SQSTM1: variants seen among roughly 807,000 people sequenced by gnomAD.
SQSTM1 encodes the protein sequestosome 1.
A neutral mutation model predicts 45.1 loss-of-function variants in SQSTM1; 36 were observed. The ratio of observed to expected loss-of-function variants is 0.80; its 90% confidence interval spans 0.61 to 1.05. SQSTM1 has a LOEUF of 1.05. SQSTM1 is among the 50% of genes least tolerant of loss of function. SQSTM1 has a pLI of 0.00. For synonymous variants in SQSTM1, 290 were observed against 244.3 expected, an observed-to-expected ratio of 1.19 and a Z score of -1.74; for missense variants, 617 against 607.1, an observed-to-expected ratio of 1.02 and a Z score of -0.17.
intron 1 of SQSTM1, chr5:179,808,176 A>G (rs1406174100): frequency 1.3e-5 from 2 of 152,304 alleles, no homozygotes; most frequent in African/African-American, 4.8e-5. Context: ...TCAGACTGAG[A>G]TTGAATGCGG....
chr5:179,815,032 A>G (rs1001159909), upstream of SQSTM1, among the ~76,000 whole-genome samples: 2 of 152,194 alleles, frequency 1.3e-5, no homozygotes, highest in African/African-American at 4.8e-5. Flanking sequence ...TGGTGGCTTG[A>G]GGGGGAGCAT....
intron 5 of SQSTM1, among the ~76,000 whole-genome samples, chr5:179,831,404 G>A (rs1036641803): frequency 1.3e-5 from 2 of 152,254 alleles, no homozygotes; most frequent in South Asian, 2.1e-4. Context: ...GCTCATGCCT[G>A]TAATCCAAGC....
chr5:179,811,951 CCCG>C (rs1757428483), intron 2 of SQSTM1: 1 of 152,144 alleles, frequency 6.6e-6, no homozygotes, highest in Non-Finnish European at 1.5e-5. Flanking sequence ...ACTACAGGCG[CCCG>C]CCACCACGCC....
intron 1 of SQSTM1, chr5:179,821,662 C>A: frequency 2.5e-6 from 1 of 393,716 alleles, no homozygotes. Flanking sequence ...GCCGCGACAG[C>A]GCCTGGGAGA....
At chr5:179,811,092 G>A (rs1475677632) in intron 1 of SQSTM1, among the ~76,000 whole-genome samples, 1 of 152,050 alleles carries the variant, frequency 6.6e-6, no homozygotes, top group Non-Finnish European at 1.5e-5. Flanking sequence ...AATTAGCCGG[G>A]AGTGGTGGCG....
At chr5:179,811,007 C>T (rs2113459009) in intron 1 of SQSTM1, among the ~76,000 whole-genome samples, 1 of 152,208 alleles carries the variant, frequency 6.6e-6, no homozygotes, top group Non-Finnish European at 1.5e-5. Flanking sequence ...CTTTGGGAGG[C>T]CGAGACGGGC....
Position 179,829,927 on chromosome 5 carries a change from C to T in SQSTM1, c.755-3105C>T, listed in dbSNP as rs868060398. 4.6e-5 allele frequency among the ~76,000 whole-genome samples: 7 copies of T among 152,254 alleles called. 1 individual carries two copies. The South Asian group carries it at 1.5e-3, about 32-fold the overall frequency. ...CCTTGGCAACATAGGGAGACACCAT[C>T]CCCCACTTCCCGTGTCTACAAACAC... On this transcript the variant is annotated intron_variant, in intron 5 of 7. Transcript: ENST00000389805.
rs1250501488 is a variant in SQSTM1, at chr5:179,833,654, T to C, written c.1037T>C (p.Val346Ala). 1.2e-5 allele frequency: 19 copies of C among 1,613,980 alleles called. No homozygotes were observed. The highest frequency in any genetic ancestry group is 1.3e-5 in the African/African-American group (1 of 74,890). ...DDWTHLSSKE[V>A]DPSTGELQSL... The stretch of plus-strand genomic sequence containing the variant: ...TGGACCCATCTGTCTTCAAAAGAAG[T>C]GGACCCGTCTACAGGTGAACTCCAG... The change falls in exon 7 of 8, where the codon GTG (valine) becomes GCG (alanine). Residue 346 changes from valine (V) to alanine (A), a missense_variant. By Grantham distance (64) the Val-to-Ala change is moderately conservative. Transcript: ENST00000389805.
At chr5:179,833,911 G>T (rs1345316018) in intron 7 of SQSTM1, 129 bp downstream of exon 7, 6 of 1,047,356 alleles carry the variant, frequency 5.7e-6, no homozygotes, top group Non-Finnish European at 8.6e-6. Flanking sequence ...GTAGGTGTGG[G>T]AGGTTAGGAG....
intron 2 of SQSTM1, 96 bp from the exon 3 acceptor site, chr5:179,823,762 C>G (rs113087413): frequency 1.5e-6 from 2 of 1,362,818 alleles, no homozygotes; most frequent in African/African-American, 2.8e-5. Flanking sequence ...AGAGCAGGGC[C>G]GGGGGCCTTG....
chr5:179,817,667 G>GC (rs894409548), upstream of SQSTM1, among the ~76,000 whole-genome samples: 3 of 152,124 alleles, frequency 2.0e-5, no homozygotes, highest in Admixed American at 1.3e-4. Context: ...CCCTCCCATG[G>GC]CCCCCGTGCC....
intron 5 of SQSTM1, 96 bp downstream of exon 5, chr5:179,825,322 C>A: frequency 1.9e-6 from 2 of 1,071,284 alleles, no homozygotes; most frequent in Non-Finnish European, 1.4e-6. Flanking sequence ...AATTGACATG[C>A]CCTTGACACT....
At chr5:179,831,426 C>T (rs1453877709) in intron 5 of SQSTM1, among the ~76,000 whole-genome samples, 5 of 152,184 alleles carry the variant, frequency 3.3e-5, no homozygotes, top group Admixed American at 3.3e-4. Flanking sequence ...CTTTGGGAGG[C>T]CAAGGCAGGC....
chr5:179,836,336 G>C, intron 7 of SQSTM1, 100 bp from the exon 8 acceptor site: 6 of 1,535,320 alleles, frequency 3.9e-6, no homozygotes, highest in South Asian at 2.2e-5. Context: ...TCGGACACTG[G>C]CAGACCCTGG....
intron 6 of SQSTM1, 129 bp from the exon 7 acceptor site, chr5:179,833,458 C>G (rs1758341569): frequency 1.8e-6 from 2 of 1,089,338 alleles, no homozygotes; most frequent in Admixed American, 2.0e-5. Flanking sequence ...ACTGTTCCCC[C>G]TAGACCCCTG....
chr5:179,836,433 C>T lies in SQSTM1; in HGVS notation c.1166-3C>T. On this transcript the variant is annotated splice_polypyrimidine_tract_variant and splice_region_variant and intron_variant, in intron 7 of 7. Coordinates refer to ENST00000389805, the MANE Select transcript of SQSTM1 (RefSeq NM_003900.5). ...CCTCATGGCTTCCTTACTGTTTCGG[C>T]AGAGGCTGACCCGCGGCTGATTGAG... 1 of 1,614,192 alleles carries T rather than the reference C, an allele frequency of 6.2e-7. No homozygotes were observed. The highest frequency in any genetic ancestry group is 8.5e-7 in the Non-Finnish European group (1 of 1,180,048).
chr5:179,822,558 TG>T, intron 1 of SQSTM1: 2 of 322,550 alleles, frequency 6.2e-6, no homozygotes, highest in South Asian at 5.2e-5. Context: ...AAGGCCTTTG[TG>T]GGGCTGGGCC....
At position 179,820,944 on chromosome 5, in the gene SQSTM1, C is replaced by T. The variant is rs777501273; in HGVS notation, c.8C>T (p.Ser3Leu). The change falls in exon 1 of 8, where the codon TCG becomes TTG. Residue 3 changes from serine to leucine, a missense_variant. Coordinates refer to ENST00000389805, the MANE Select transcript of SQSTM1 (RefSeq NM_003900.5). ...GCCAGCTCGCCGCTCGCTATGGCGT[C>T]GCTCACCGTGAAGGCCTACCTTCTG... MASLTVKAYLLGK... is the reference protein window; with the variant it reads MALLTVKAYLLGK... The T allele has an allele frequency of 5.8e-6, 9 of 1,553,410 alleles. No homozygotes were observed. Among genetic ancestry groups the T allele is most frequent in the East Asian group, 5.1e-5 (2 of 39,486 alleles).
At position 179,837,719 on chromosome 5, in the gene SQSTM1, GGCA is replaced by G; in HGVS notation, c.*1128_*1130del. On this transcript the variant is annotated 3_prime_UTR_variant, in exon 8 of 8. Coordinates refer to ENST00000389805, the MANE Select transcript of SQSTM1 (RefSeq NM_003900.5). The stretch of plus-strand genomic sequence containing the variant: ...GTCCACATGTGAACTTTTTCTAGGT[GGCA>G]GGACAAATTGCGCCCATTTAGAGGA... The G allele has an allele frequency of 1.2e-6, 2 of 1,614,252 alleles. No individual in the cohort carries two copies. Among genetic ancestry groups the G allele is most frequent in the Non-Finnish European group, 1.7e-6 (2 of 1,180,038 alleles).
Sources: allele counts gnomAD v4.1 joint callset (sites outside exome capture counted in the v4.1 genomes callset), GRCh38; gene constraint gnomAD v4.1.1; transcripts MANE v1.5; gene names NCBI Gene and HGNC (gene_info 2026-07-23, HGNC 2026-07-21).